Variants in CCPG1 observed in about 807,000 individuals in gnomAD.
The protein encoded by CCPG1 is cell cycle progression 1, also known as cell cycle progression protein 1.
In CCPG1, 46 loss-of-function variants were observed where a neutral mutation model predicts 81.3. That is an observed-to-expected ratio of 0.57 (90% CI 0.45 to 0.72). The LOEUF (loss-of-function observed/expected upper bound fraction) is 0.72, where lower values mean the gene tolerates loss of function less well. Among genes scored for constraint, CCPG1 ranks in the 30% least tolerant of loss-of-function variants. The pLI is 0.00. For missense variants in CCPG1, 902 were observed against 937.6 expected, an observed-to-expected ratio of 0.96 and a Z score of 0.50; for synonymous variants, 330 against 305.2, an observed-to-expected ratio of 1.08 and a Z score of -0.85.
chr15:55,383,871 A>C (rs969419955), intron 3 of CCPG1, among the ~76,000 whole-genome samples: 1 of 152,142 alleles, frequency 6.6e-6, no homozygotes, highest in Non-Finnish European at 1.5e-5. Context: ...ATCTTCTACC[A>C]AGACCACTAA....
chr15:55,389,502 G>A, intron 1 of CCPG1, 69 bp from the exon 2 acceptor site: 1 of 1,072,168 alleles, frequency 9.3e-7, no homozygotes, highest in Non-Finnish European at 1.4e-6. Flanking sequence ...CACTATATGT[G>A]ACACTAAGTT....
intron 1 of CCPG1, among the ~76,000 whole-genome samples, chr15:55,403,405 TAAAA>T (rs34854989): frequency 1.6e-4 from 23 of 143,910 alleles, no homozygotes; most frequent in Non-Finnish European, 3.2e-4. Flanking sequence ...GATAAGTACT[TAAAA>T]AAAAAAAAAG....
In CCPG1 at chr15:55,360,468, T is replaced by C. The variant is rs1199035709; in HGVS notation, c.1305A>G (p.Glu435=). The change falls in exon 8 of 9, where the codon GAA becomes GAG. Residue 435 remains glutamate (E), a synonymous_variant. Coordinates refer to ENST00000442196, the MANE Select transcript of CCPG1 (RefSeq NM_001204450.2). ...GCTGCTGTTCGAAGGTTAGCTTCCG[T>C]TCCAGCTCAGTGAGTCTTTCCCGTA... ...AILRERLTEL[E]RKLTFEQQRS... 5 of 1,614,182 alleles carry C rather than the reference T, an allele frequency of 3.1e-6. No homozygotes were observed. The highest frequency in any genetic ancestry group is 2.2e-5 in the South Asian group (2 of 91,082).
At chr15:55,379,296 G>A (rs1251183740) in intron 3 of CCPG1, among the ~76,000 whole-genome samples, 1 of 151,850 alleles carries the variant, frequency 6.6e-6, no homozygotes, top group Non-Finnish European at 1.5e-5. Context: ...GCCAAGGCTG[G>A]AGGACTGCTT....
At chr15:55,390,674 G>A (rs997047246) in intron 1 of CCPG1, among the ~76,000 whole-genome samples, 19 of 152,208 alleles carry the variant, frequency 1.2e-4, no homozygotes, top group Admixed American at 1.1e-3. Flanking sequence ...TGTTGGCCAG[G>A]CTGGTCTCAA....
At chr15:55,366,193 T>C (rs1206005418) in intron 6 of CCPG1, among the ~76,000 whole-genome samples, 1 of 152,220 alleles carries the variant, frequency 6.6e-6, no homozygotes, top group African/African-American at 2.4e-5. Context: ...CACTCAGCTT[T>C]GTTGTTTTGG....
At chr15:55,380,998 G>C (rs369973980) in intron 3 of CCPG1, among the ~76,000 whole-genome samples, 3 of 151,842 alleles carry the variant, frequency 2.0e-5, no homozygotes, top group Non-Finnish European at 4.4e-5. Context: ...TTAGCCGAGC[G>C]TGGTGGTGGG....
At position 55,371,834 on chromosome 15, in the gene CCPG1, G is replaced by A. The variant is rs1264950304; in HGVS notation, c.665C>T (p.Ala222Val). ...TCCCATGCTGATTGCAATCACCAAA[G>A]CAAGTATAACACACTTATTGAGACC... is the stretch of plus-strand genomic sequence containing the variant. ...SSGLNKCVIL[A>V]LVIAISMGFG... Residue 222 changes from alanine (A) to valine (V), a missense_variant, in exon 6 of 9, where the codon GCT becomes GTT. Ala to Val is a moderately conservative substitution (Grantham distance 64). Coordinates refer to ENST00000442196, the MANE Select transcript of CCPG1 (RefSeq NM_001204450.2). The A allele has an allele frequency of 6.8e-6, 11 of 1,613,894 alleles. No individual in the cohort carries two copies. Among genetic ancestry groups the A allele is most frequent in the Non-Finnish European group, 9.3e-6 (11 of 1,179,946 alleles).
chr15:55,392,028 T>C (rs1386273300), intron 1 of CCPG1, among the ~76,000 whole-genome samples: 3 of 103,938 alleles, frequency 2.9e-5, no homozygotes, highest in Non-Finnish European at 6.4e-5. Flanking sequence ...TTCTGATTCC[T>C]AAAAAAAAAA....
chr15:55,384,438 T>C (rs752804922), intron 3 of CCPG1, among the ~76,000 whole-genome samples: 100 of 152,170 alleles, frequency 6.6e-4, no homozygotes, highest in Non-Finnish European at 1.3e-3. Context: ...CACAGGTGGA[T>C]CACCTGAGGT....
At chr15:55,397,387 C>T (rs1287040987) in intron 1 of CCPG1, among the ~76,000 whole-genome samples, 1 of 152,098 alleles carries the variant, frequency 6.6e-6, no homozygotes, top group South Asian at 2.1e-4. Context: ...AAAGATCACT[C>T]TGGCTACCTA....
chr15:55,362,795 AT>A lies in CCPG1; in HGVS notation c.829-1852del, dbSNP rs201120357. ...AGTGGCTCAATCCTTTAATCCCAGT[AT>A]TTTGAGGCCAAGGTGGGAGGATCAC... On this transcript the variant is annotated intron_variant, in intron 7 of 8. Coordinates refer to ENST00000442196, the MANE Select transcript of CCPG1 (RefSeq NM_001204450.2). 1.1e-3 allele frequency among the ~76,000 whole-genome samples: 169 copies of A among 152,306 alleles called. 1 individual carries two copies. Among genetic ancestry groups the A allele is most frequent in the African/African-American group, 3.9e-3 (162 of 41,562 alleles).
Position 55,355,974 on chromosome 15 carries a change from C to CA in CCPG1, c.*245_*246insT. On this transcript the variant is annotated 3_prime_UTR_variant, in exon 9 of 9. Coordinates refer to ENST00000442196, the MANE Select transcript of CCPG1 (RefSeq NM_001204450.2). ...CAAAATCTGTTGCATGCCTGGCTTC[C>CA]TTAATAAAACTACAGTTGAACATTT... 1 of 464,256 alleles carries CA rather than the reference C, an allele frequency of 2.2e-6. No homozygotes were observed. The highest frequency in any genetic ancestry group is 3.8e-6 in the Non-Finnish European group (1 of 265,968). The allele number at this position is 464,256 out of a possible 1,614,324, so 28.8% of individuals were successfully genotyped here.
intron 1 of CCPG1, among the ~76,000 whole-genome samples, chr15:55,404,101 C>A (rs1462970594): frequency 6.6e-6 from 1 of 151,956 alleles, no homozygotes; most frequent in East Asian, 1.9e-4. Flanking sequence ...CATATTGAGC[C>A]AACTCAGTAC....
chr15:55,401,601 G>A (rs2141347775), intron 1 of CCPG1, among the ~76,000 whole-genome samples: 1 of 151,228 alleles, frequency 6.6e-6, no homozygotes, highest in East Asian at 2.0e-4. Context: ...AGGAGGTGGA[G>A]GTTGCAGTGA....
chr15:55,384,041 TA>T (rs2141299377), intron 3 of CCPG1, among the ~76,000 whole-genome samples: 1 of 152,328 alleles, frequency 6.6e-6, no homozygotes, highest in Admixed American at 6.5e-5. Context: ...CTTCCTCAAA[TA>T]AGCTTAATCA....
At position 55,390,509 on chromosome 15, in the gene CCPG1, T is replaced by C. The variant is rs2056893501; in HGVS notation, c.-9-1076A>G. On this transcript the variant is annotated intron_variant, in intron 1 of 8. Transcript: ENST00000442196. Reference sequence around the variant, plus strand: ...TATTGGACATATACTGTGAACACATTAGATCCAAGTTCTAATAGAACTCTA... The same window carrying C: ...TATTGGACATATACTGTGAACACATCAGATCCAAGTTCTAATAGAACTCTA... Among the ~76,000 whole-genome samples, 5 of 152,256 alleles carry C rather than the reference T, an allele frequency of 3.3e-5. No individual in the cohort carries two copies. The South Asian group carries it at 1.0e-3, about 31-fold the overall frequency.
At chr15:55,401,686 A>G (rs75940066) in intron 1 of CCPG1, among the ~76,000 whole-genome samples, 8,012 of 151,326 alleles carry the variant, frequency 0.053, 309 homozygotes, top group South Asian at 0.1. Flanking sequence ...AAAAACCACT[A>G]CTACCCTATA....
At chr15:55,400,458 A>C (rs2057107790) in intron 1 of CCPG1, among the ~76,000 whole-genome samples, 1 of 151,928 alleles carries the variant, frequency 6.6e-6, no homozygotes. Flanking sequence ...CAGTGAGCCG[A>C]GATCACACCA....
Sources: gnomAD v4.1 joint callset for allele counts (sites outside exome capture counted in the v4.1 genomes callset) on GRCh38, gnomAD v4.1.1 for gene constraint, MANE v1.5 for transcripts, NCBI Gene and HGNC (gene_info 2026-07-23, HGNC 2026-07-21) for gene names.